HOOK3: variants seen among roughly 807,000 people sequenced by gnomAD.
HOOK3 encodes the protein protein Hook homolog 3.
HOOK3 carries 24 observed loss-of-function variants against 116.3 expected under a neutral mutation model. The observed-to-expected ratio is 0.21, with a 90% CI of 0.15 to 0.29. The LOEUF (loss-of-function observed/expected upper bound fraction) is 0.29. Ranked by LOEUF, HOOK3 falls within the 10% of genes least tolerant of loss-of-function variation. HOOK3 has a pLI of 1.00. For synonymous variants in HOOK3, 275 were observed against 283.0 expected, an observed-to-expected ratio of 0.97 and a Z score of 0.28; for missense variants, 632 against 830.2, an observed-to-expected ratio of 0.76 and a Z score of 2.93.
Position 42,970,782 on chromosome 8 carries a change from C to CTTTTTTTTTTTTTTTT in HOOK3, c.1123-2501_1123-2486dup, listed in dbSNP as rs764513803. On this transcript the variant is annotated intron_variant, in intron 11 of 21. Coordinates refer to ENST00000307602, the MANE Select transcript of HOOK3 (RefSeq NM_032410.4). ...GTAAAGAAATAAAAGGAATTTGGGT[C>CTTTTTTTTTTTTTTTT]TTTTTTTTTTTTTTTTTTTTTCTGA... Among the ~76,000 whole-genome samples the CTTTTTTTTTTTTTTTT allele has an allele frequency of 4.9e-4, 46 of 93,854 alleles. 4 individuals are homozygous for CTTTTTTTTTTTTTTTT. Among genetic ancestry groups the CTTTTTTTTTTTTTTTT allele is most frequent in the African/African-American group, 1.8e-3 (42 of 23,074 alleles). The allele number at this position is 93,854 out of a possible 152,430, so 61.6% of individuals were successfully genotyped here.
chr8:42,933,198 A>C (rs1276504806), intron 4 of HOOK3, among the ~76,000 whole-genome samples: 1 of 152,256 alleles, frequency 6.6e-6, no homozygotes, highest in African/African-American at 2.4e-5. Context: ...TCAGCCATGA[A>C]AATACATATT....
intron 1 of HOOK3, among the ~76,000 whole-genome samples, chr8:42,904,638 T>C (rs1563287423): frequency 6.6e-6 from 1 of 152,140 alleles, no homozygotes; most frequent in East Asian, 1.9e-4. Context: ...AATGCAAACC[T>C]CATGGCTCAC....
chr8:42,897,091 T>C lies in HOOK3; in HGVS notation c.-41T>C. On this transcript the variant is annotated 5_prime_UTR_variant, in exon 1 of 22. Coordinates refer to ENST00000307602, the MANE Select transcript of HOOK3 (RefSeq NM_032410.4). ...ATCCCCCGACAGAGCGGCGGCGGTG[T>C]CTGGCCAGGCGGTAGGCGCTGCCTG... 8.1e-7 allele frequency: 1 copy of C among 1,236,542 alleles called. No individual in the cohort carries two copies. Among genetic ancestry groups the C allele is most frequent in the Non-Finnish European group, 1.0e-6 (1 of 985,380 alleles). 76.6% of individuals were successfully genotyped at this position (1,236,542 alleles called of 1,614,324 possible). A position where few individuals can be genotyped will look rare whatever the true frequency, so the allele number is the denominator to read the frequency against.
chr8:43,002,320 T>C (rs1407594609), intron 17 of HOOK3, among the ~76,000 whole-genome samples, 179 bp downstream of exon 17: 1 of 152,220 alleles, frequency 6.6e-6, no homozygotes, highest in Non-Finnish European at 1.5e-5. Context: ...GTCAGAATGA[T>C]GACTGCTTTA....
At chr8:42,902,270 C>T (rs1217793879) in intron 1 of HOOK3, among the ~76,000 whole-genome samples, 2 of 150,744 alleles carry the variant, frequency 1.3e-5, no homozygotes, top group Admixed American at 1.3e-4. Flanking sequence ...TTCTCTCTCT[C>T]TCTCTCTTTT....
chr8:42,995,285 TCTG>T (rs1416836137), intron 15 of HOOK3, among the ~76,000 whole-genome samples: 4 of 152,226 alleles, frequency 2.6e-5, no homozygotes, highest in African/African-American at 9.6e-5. Context: ...CAGTCTGGCT[TCTG>T]CTACTACCAT....
At chr8:42,970,863 C>T (rs907798646) in intron 11 of HOOK3, among the ~76,000 whole-genome samples, 47 of 145,780 alleles carry the variant, frequency 3.2e-4, no homozygotes, top group African/African-American at 1.1e-3. Context: ...TCATGGCTCA[C>T]TGCAGCCTCG....
chr8:42,907,836 A>AAG (rs1807343390), intron 2 of HOOK3, among the ~76,000 whole-genome samples: 1 of 150,814 alleles, frequency 6.6e-6, no homozygotes, highest in African/African-American at 2.4e-5. Context: ...AAAAAAAAAA[A>AAG]AAACAGTAAA....
rs1396063434 is a variant in HOOK3, at chr8:43,022,097, A to C, written c.*3599A>C. On this transcript the variant is annotated 3_prime_UTR_variant, in exon 22 of 22. Coordinates refer to ENST00000307602, the MANE Select transcript of HOOK3 (RefSeq NM_032410.4). Reference sequence around the variant, plus strand: ...AAACAGGCTGTTGTAAAAAAAAAAAAAAAAAAAACTTCTGAATATACTTTA... The same window carrying C: ...AAACAGGCTGTTGTAAAAAAAAAAACAAAAAAAACTTCTGAATATACTTTA... 1 of 200,860 alleles carries C rather than the reference A, an allele frequency of 5.0e-6. No homozygotes were observed. Among genetic ancestry groups the C allele is most frequent in the Admixed American group, 6.0e-5 (1 of 16,616 alleles). 12.4% of individuals were successfully genotyped at this position (200,860 alleles called of 1,614,324 possible). A position where few individuals can be genotyped will look rare whatever the true frequency, so the allele number is the denominator to read the frequency against.
rs1239088703 is a variant in HOOK3 at position 43,014,269 on chromosome 8, C to G, written c.2016+869C>G. On this transcript the variant is annotated intron_variant, in intron 21 of 21. Coordinates refer to ENST00000307602, the MANE Select transcript of HOOK3 (RefSeq NM_032410.4). Reference sequence around the variant, plus strand: ...CCATTGCACTCCAGCCTGGGTGACACAGCAAGACTGTCTCAGAAAAAAAAA... The same window carrying G: ...CCATTGCACTCCAGCCTGGGTGACAGAGCAAGACTGTCTCAGAAAAAAAAA... Among the ~76,000 whole-genome samples the G allele has an allele frequency of 1.8e-4, 21 of 115,780 alleles. No homozygotes were observed. In the Admixed American group the frequency reaches 2.2e-3, roughly 12 times the overall value. 76.0% of individuals were successfully genotyped at this position (115,780 alleles called of 152,430 possible). A position where few individuals can be genotyped will look rare whatever the true frequency, so the allele number is the denominator to read the frequency against.
chr8:42,986,863 A>C, intron 15 of HOOK3, 68 bp downstream of exon 15: 1 of 1,527,282 alleles, frequency 6.5e-7, no homozygotes, highest in Non-Finnish European at 9.0e-7. Context: ...TGAATCCCTT[A>C]AACAAAGAAC....
At chr8:42,958,229 A>G (rs1163383708) in intron 7 of HOOK3, among the ~76,000 whole-genome samples, 2 of 152,180 alleles carry the variant, frequency 1.3e-5, no homozygotes, top group African/African-American at 4.8e-5. Context: ...AAATCTTTGT[A>G]TTCTTTGACT....
chr8:43,025,358 T>G lies in HOOK3; in HGVS notation c.*6860T>G, dbSNP rs1809915060. 1 of 212,110 alleles carries G rather than the reference T, an allele frequency of 4.7e-6. No homozygotes were observed. 13.1% of individuals were successfully genotyped at this position (212,110 alleles called of 1,614,324 possible). On this transcript the variant is annotated 3_prime_UTR_variant, in exon 22 of 22. Coordinates refer to ENST00000307602, the MANE Select transcript of HOOK3 (RefSeq NM_032410.4). ...TGGAAGGCTATTAAGGCAAATTCAT[T>G]CCTAGAAAGTGGAGTGGATCATTGG...
chr8:42,921,077 A>G (rs1402404045), intron 2 of HOOK3, among the ~76,000 whole-genome samples: 10 of 152,174 alleles, frequency 6.6e-5, no homozygotes, highest in Admixed American at 6.5e-4. Flanking sequence ...TCTTTTATTC[A>G]TAAGGTGTAT....
intron 2 of HOOK3, among the ~76,000 whole-genome samples, chr8:42,914,275 A>G (rs1260980943): frequency 6.6e-6 from 1 of 152,148 alleles, no homozygotes. Context: ...CTAAACTCTT[A>G]GTGATTTAAG....
rs551909907 is a variant in HOOK3, at chr8:43,007,597, A to G, written c.1656-250A>G. Among the ~76,000 whole-genome samples the G allele has an allele frequency of 2.6e-5, 4 of 152,320 alleles. No individual in the cohort carries two copies. The East Asian group carries it at 7.7e-4, about 29-fold the overall frequency. Reference sequence around the variant, plus strand: ...AAGTTATCTAAATATTCCTAGAAAAAATGTATACCCTCTCTTTATGCAGGT... The same window carrying G: ...AAGTTATCTAAATATTCCTAGAAAAGATGTATACCCTCTCTTTATGCAGGT... On this transcript the variant is annotated intron_variant, in intron 17 of 21. Transcript: ENST00000307602.
intron 3 of HOOK3, among the ~76,000 whole-genome samples, chr8:42,927,858 C>T (rs1183210918): frequency 6.6e-6 from 1 of 152,206 alleles, no homozygotes; most frequent in Non-Finnish European, 1.5e-5. Flanking sequence ...CCTGCCTCAA[C>T]CTGGCAGGCC....
chr8:42,922,238 C>T (rs1291370437), intron 2 of HOOK3, among the ~76,000 whole-genome samples: 1 of 150,388 alleles, frequency 6.6e-6, no homozygotes, highest in African/African-American at 2.5e-5. Flanking sequence ...ATAAATTGAA[C>T]CTCATCAAAA....
At chr8:42,902,039 T>C (rs1395162236) in intron 1 of HOOK3, among the ~76,000 whole-genome samples, 2 of 152,126 alleles carry the variant, frequency 1.3e-5, no homozygotes, top group African/African-American at 4.8e-5. Flanking sequence ...AGTTACTTGC[T>C]TTTTTGAATT....
Sources: allele counts gnomAD v4.1 joint callset (sites outside exome capture counted in the v4.1 genomes callset), GRCh38; gene constraint gnomAD v4.1.1; transcripts MANE v1.5; gene names NCBI Gene and HGNC (gene_info 2026-07-23, HGNC 2026-07-21).